The following ZFP64 variants were observed in gnomAD, a reference collection of about 807,000 sequenced individuals.
The protein encoded by ZFP64 is ZFP64 zinc finger protein, also known as zinc finger protein 64.
ZFP64 carries 14 observed loss-of-function variants against 51.6 expected under a neutral mutation model. The observed-to-expected ratio is 0.27, with a 90% CI of 0.18 to 0.42. The LOEUF (loss-of-function observed/expected upper bound fraction) is 0.42, where lower values mean the gene tolerates loss of function less well. Ranked by LOEUF, ZFP64 falls within the 10% of genes least tolerant of loss-of-function variation. The pLI is 1.00. For missense variants in ZFP64, 754 were observed against 906.8 expected (o/e 0.83, Z 2.16); for synonymous variants, 375 against 361.4 (o/e 1.04, Z -0.43).
intron 5 of ZFP64, among the ~76,000 whole-genome samples, chr20:52,111,301 C>T (rs1978565241): frequency 6.6e-6 from 1 of 151,260 alleles, no homozygotes; most frequent in Non-Finnish European, 1.5e-5. Context: ...ATCGCAACCT[C>T]CAGCTCCCGG....
At chr20:52,102,381 T>C (rs1366909520) in intron 5 of ZFP64, among the ~76,000 whole-genome samples, 4 of 152,110 alleles carry the variant, frequency 2.6e-5, no homozygotes, top group Admixed American at 6.6e-5. Context: ...AAGTTCCCAG[T>C]TGATGCCGAT....
rs147090101 is a variant in ZFP64 at position 52,165,925 on chromosome 20, C to T, written c.387G>A (p.Lys129=). ...QTATVISLPA[K]SRTKKPTTPP... ...GTGTTGTGGGCTTTTTGGTGCGTGA[C>T]TTGGCAGGGAGAGAGATGACAGTGG... The change falls in exon 3 of 6, where the codon AAG becomes AAA. Residue 129 remains lysine, a synonymous_variant. Transcript: ENST00000216923. 3 of 1,614,016 alleles carry T rather than the reference C, an allele frequency of 1.9e-6. No homozygotes were observed. The African/African-American group carries it at 4.0e-5, about 22-fold the overall frequency.
chr20:52,146,052 A>AT (rs1980508538), intron 5 of ZFP64, among the ~76,000 whole-genome samples: 1 of 151,792 alleles, frequency 6.6e-6, no homozygotes, highest in South Asian at 2.1e-4. Flanking sequence ...TTTCTATTTT[A>AT]TTTTTTTCTT....
At chr20:52,095,941 C>A (rs1384358100) in intron 7 of ZFP64, among the ~76,000 whole-genome samples, 1 of 152,226 alleles carries the variant, frequency 6.6e-6, no homozygotes, top group Non-Finnish European at 1.5e-5. Flanking sequence ...GCTGCCTCGT[C>A]TTTCCTCAAA....
chr20:52,110,469 C>G (rs1455034140), intron 5 of ZFP64: 1 of 668,094 alleles, frequency 1.5e-6, no homozygotes, highest in Non-Finnish European at 2.7e-6. Flanking sequence ...CATGTCATCT[C>G]TATGCTGGGA....
chr20:52,174,758 C>T (rs1168563019), intron 2 of ZFP64, among the ~76,000 whole-genome samples: 1 of 152,154 alleles, frequency 6.6e-6, no homozygotes, highest in Admixed American at 6.5e-5. Context: ...ATTTATCCCT[C>T]ATTTCTTTGG....
intron 5 of ZFP64, among the ~76,000 whole-genome samples, chr20:52,154,826 T>C (rs1339767722): frequency 6.6e-6 from 1 of 152,202 alleles, no homozygotes; most frequent in African/African-American, 2.4e-5. Context: ...ATATGGTTAC[T>C]TGCCTGCCAT....
intron 2 of ZFP64, among the ~76,000 whole-genome samples, chr20:52,179,990 G>T (rs908435176): frequency 6.6e-6 from 1 of 152,216 alleles, no homozygotes; most frequent in Non-Finnish European, 1.5e-5. Context: ...GTATTTTGTG[G>T]CTTGGACAGT....
rs369537456 is a variant in ZFP64 at position 52,110,350 on chromosome 20, C to T, written c.764-11763G>A. On this transcript the variant is annotated intron_variant, in intron 5 of 8. Coordinates refer to the ZFP64 transcript ENST00000361387. ...AAAACCATAGAGAGCCTTTTTACAA[C>T]TCCTCGTTCTCAGCCCCCTTCTTCT... is the stretch of plus-strand genomic sequence containing the variant. The T allele has an allele frequency of 7.7e-6, 4 of 518,064 alleles. No individual in the cohort carries two copies. In the East Asian group the frequency reaches 1.2e-4, roughly 16 times the overall value. The allele number at this position is 518,064 out of a possible 1,614,324, so 32.1% of individuals were successfully genotyped here.
intron 7 of ZFP64, among the ~76,000 whole-genome samples, chr20:52,094,771 G>A (rs531102484): frequency 2.2e-4 from 33 of 149,852 alleles, no homozygotes; most frequent in Admixed American, 1.7e-3. Flanking sequence ...ATAATAAAAA[G>A]GAAAATGCAA....
intron 5 of ZFP64, among the ~76,000 whole-genome samples, chr20:52,159,423 T>A (rs1375326623): frequency 6.6e-6 from 1 of 152,218 alleles, no homozygotes; most frequent in African/African-American, 2.4e-5. Context: ...ATTTCATGCA[T>A]CTCCTCAATT....
intron 7 of ZFP64, chr20:52,097,160 CT>C (rs2078997512): frequency 5.1e-6 from 4 of 787,058 alleles, no homozygotes; most frequent in Admixed American, 1.7e-5. Flanking sequence ...TCTAAGATGA[CT>C]ATAGCCACAG....
At chr20:52,181,530 A>T (rs1428305465) in intron 2 of ZFP64, among the ~76,000 whole-genome samples, 1 of 152,248 alleles carries the variant, frequency 6.6e-6, no homozygotes, top group Non-Finnish European at 1.5e-5. Flanking sequence ...CCCAAGTATT[A>T]TCAGGCAGAG....
rs2078995907 is a variant in ZFP64, at chr20:52,097,019, G to A, written c.976+354C>T. On this transcript the variant is annotated intron_variant, in intron 7 of 8. Coordinates refer to the ZFP64 transcript ENST00000361387. ...ATGAAGGAGCATGCCAACAGGCTGA[G>A]TTGCCCATGGGCTGCAGTTTGTAAT... 5 of 615,430 alleles carry A rather than the reference G, an allele frequency of 8.1e-6. 1 individual carries two copies. The highest frequency in any genetic ancestry group is 7.1e-5 in the South Asian group (5 of 70,678). 38.1% of individuals were successfully genotyped at this position (615,430 alleles called of 1,614,324 possible).
chr20:52,153,190 G>C lies in ZFP64; in HGVS notation c.1002C>G (p.Ser334Arg). The change falls in exon 6 of 6, where the codon AGC becomes AGG. Residue 334 changes from serine (S) to arginine (R), a missense_variant. Physicochemically the swap from Ser to Arg is moderately radical, Grantham distance 110 (BLOSUM62 -1). This residue lies in a region of ZFP64 where 428 missense variants were observed against 472.4 expected (regional missense o/e 0.91). Transcript: ENST00000216923. The surrounding 1 kb of genome is among the most constrained non-coding windows in gnomAD (Gnocchi z 5.1). Reference sequence around the variant, plus strand: ...CAGGATGCTCCGACTGGTGCACGCGGCTGTGCTTCCGGAGGGTGGCTTTGC... The same window carrying C: ...CAGGATGCTCCGACTGGTGCACGCGCCTGTGCTTCCGGAGGGTGGCTTTGC... ...GDSKATLRKH[S>R]RVHQSEHPEK... 1.2e-6 allele frequency: 2 copies of C among 1,614,222 alleles called. No homozygotes were observed. The highest frequency in any genetic ancestry group is 1.7e-6 in the Non-Finnish European group (2 of 1,180,028).
intron 5 of ZFP64, among the ~76,000 whole-genome samples, chr20:52,133,495 A>G (rs943467586): frequency 6.6e-6 from 1 of 152,254 alleles, no homozygotes; most frequent in African/African-American, 2.4e-5. Context: ...TAGAACTGAT[A>G]AACAATTTCA....
chr20:52,110,194 A>G (rs965957747), intron 5 of ZFP64: 1 of 224,200 alleles, frequency 4.5e-6, no homozygotes. Flanking sequence ...CTACATCGGC[A>G]TCAACGTCCA....
chr20:52,097,232 C>T, intron 7 of ZFP64: 21 of 1,002,304 alleles, frequency 2.1e-5, no homozygotes, highest in South Asian at 1.9e-4. Flanking sequence ...TTTGCTCCTT[C>T]TCCCAAGCCC....
At chr20:52,128,304 C>T (rs1025156685) in intron 5 of ZFP64, among the ~76,000 whole-genome samples, 1 of 152,220 alleles carries the variant, frequency 6.6e-6, no homozygotes, top group Admixed American at 6.5e-5. Flanking sequence ...CTGTTCCCAT[C>T]AGGTCCACTG....
Sources: gnomAD v4.1 joint callset for allele counts (sites outside exome capture counted in the v4.1 genomes callset) on GRCh38, gnomAD v4.1.1 for gene constraint, gnomAD v4.1.1 regional missense constraint, Gnocchi (gnomAD v3.1) non-coding constraint, MANE v1.5 for transcripts, NCBI Gene and HGNC (gene_info 2026-07-23, HGNC 2026-07-21) for gene names.